The following TAOK1 variants were observed in gnomAD, a reference collection of about 807,000 sequenced individuals.
TAOK1 encodes serine/threonine-protein kinase TAO1.
A neutral mutation model predicts 138.3 loss-of-function variants in TAOK1; 21 were observed. The ratio of observed to expected loss-of-function variants is 0.15; its 90% CI spans 0.11 to 0.22. The LOEUF (loss-of-function observed/expected upper bound fraction) is 0.22. Ranked by LOEUF, TAOK1 falls within the 10% of genes least tolerant of loss-of-function variation. The pLI, the probability that TAOK1 is intolerant of heterozygous loss-of-function variation, is 1.00. For synonymous variants in TAOK1, 361 were observed against 398.4 expected (o/e 0.91, Z 1.12); for missense variants, 651 against 1,227.7 (o/e 0.53, Z 7.02).
intron 1 of TAOK1, among the ~76,000 whole-genome samples, chr17:29,428,754 G>A (rs935001719): frequency 2.6e-5 from 4 of 151,702 alleles, no homozygotes; most frequent in Admixed American, 1.3e-4. Flanking sequence ...CTCCCAAGTC[G>A]CTGGGACTGC....
intron 1 of TAOK1, among the ~76,000 whole-genome samples, chr17:29,435,655 C>T (rs1906005308): frequency 6.6e-6 from 1 of 152,180 alleles, no homozygotes; most frequent in Non-Finnish European, 1.5e-5. Flanking sequence ...GGTATTAGGT[C>T]ACTTTCTCCA....
intron 1 of TAOK1, among the ~76,000 whole-genome samples, chr17:29,417,015 T>TG (rs1031773313): frequency 3.3e-4 from 50 of 151,772 alleles, no homozygotes; most frequent in South Asian, 6.2e-4. Flanking sequence ...GTTTTTTTTT[T>TG]TTGTTGTTGT....
chr17:29,500,421 A>G (rs1175926077), intron 12 of TAOK1, among the ~76,000 whole-genome samples: 4 of 152,132 alleles, frequency 2.6e-5, no homozygotes, highest in Non-Finnish European at 5.9e-5. Flanking sequence ...AACAACCCAA[A>G]TTATTCATCA....
In TAOK1 at chr17:29,427,925, CA is replaced by C. The variant is rs34918500; in HGVS notation, c.-94-23512del. ...TGGGCAACAGCGTGAGACTCTGTCT[CA>C]AAAAAAAAAAAAAAAAAGAAGAATA... is the stretch of plus-strand genomic sequence containing the variant. On this transcript the variant is annotated intron_variant, in intron 1 of 19. Transcript: ENST00000261716. Among the ~76,000 whole-genome samples the C allele has an allele frequency of 4.7e-3, 537 of 114,894 alleles. 3 individuals are homozygous for C. The highest frequency in any genetic ancestry group is 0.017 in the Admixed American group (195 of 11,208). The allele number at this position is 114,894 out of a possible 152,430, so 75.4% of individuals were successfully genotyped here.
intron 19 of TAOK1, among the ~76,000 whole-genome samples, chr17:29,541,275 A>G (rs900159321): frequency 1.3e-4 from 19 of 147,968 alleles, no homozygotes; most frequent in African/African-American, 4.7e-4. Flanking sequence ...GCGCCTGGCT[A>G]ATTTTTGTAT....
chr17:29,516,720 C>T (rs992713256), intron 15 of TAOK1, among the ~76,000 whole-genome samples: 37 of 151,350 alleles, frequency 2.4e-4, no homozygotes, highest in Admixed American at 7.9e-4. Flanking sequence ...ACGCTGGTCT[C>T]GAACTCCCAA....
intron 17 of TAOK1, among the ~76,000 whole-genome samples, chr17:29,529,655 G>T (rs563470488): frequency 6.6e-6 from 1 of 152,080 alleles, no homozygotes; most frequent in Non-Finnish European, 1.5e-5. Flanking sequence ...CACTTGAAGT[G>T]AAGAGTGCGA....
At position 29,467,359 on chromosome 17, in the gene TAOK1, C is replaced by T. The variant is rs530767438; in HGVS notation, c.204+143C>T. ...TGCAATCTTGGCTCACTGCAAGCTCCGCCTCCCAAGTTCACGCCATTCTCC... is the reference window on the plus strand; with the variant it reads ...TGCAATCTTGGCTCACTGCAAGCTCTGCCTCCCAAGTTCACGCCATTCTCC... On this transcript the variant is annotated intron_variant, in intron 3 of 19. Coordinates refer to ENST00000261716, the MANE Select transcript of TAOK1 (RefSeq NM_020791.4). The T allele has an allele frequency of 1.7e-4, 60 of 349,738 alleles. 1 individual carries two copies. The East Asian group carries it at 2.2e-3, about 13-fold the overall frequency. The allele number at this position is 349,738 out of a possible 1,614,324, so 21.7% of individuals were successfully genotyped here. A position where few individuals can be genotyped will look rare whatever the true frequency, so the allele number is the denominator to read the frequency against.
At chr17:29,406,793 C>T (rs2153020572) in intron 1 of TAOK1, among the ~76,000 whole-genome samples, 1 of 152,292 alleles carries the variant, frequency 6.6e-6, no homozygotes, top group African/African-American at 2.4e-5. Flanking sequence ...GTCTTGAACT[C>T]CCGGGCTAAA....
At chr17:29,441,962 C>G (rs113002228) in intron 1 of TAOK1, among the ~76,000 whole-genome samples, 1 of 150,842 alleles carries the variant, frequency 6.6e-6, no homozygotes, top group South Asian at 2.1e-4. Context: ...TCTTTTTGTT[C>G]TTTTCTGTCT....
chr17:29,516,338 T>C (rs2031813902), intron 15 of TAOK1, among the ~76,000 whole-genome samples: 1 of 151,876 alleles, frequency 6.6e-6, no homozygotes, highest in East Asian at 1.9e-4. Flanking sequence ...TTCGTTGTGT[T>C]GTTTTTGTTT....
chr17:29,394,570 T>A (rs2153019440), intron 1 of TAOK1, among the ~76,000 whole-genome samples: 1 of 152,330 alleles, frequency 6.6e-6, no homozygotes, highest in South Asian at 2.1e-4. Flanking sequence ...GTCTTTCGTG[T>A]CTTTCACCTG....
At chr17:29,492,750 C>G (rs1272524663) in intron 10 of TAOK1, among the ~76,000 whole-genome samples, 1 of 152,108 alleles carries the variant, frequency 6.6e-6, no homozygotes, top group East Asian at 1.9e-4. Context: ...CGAGATTGCA[C>G]CATTGCACTC....
At chr17:29,510,766 CT>C in intron 14 of TAOK1, 97 bp from the exon 15 acceptor site, 1 of 890,400 alleles carries the variant, frequency 1.1e-6, no homozygotes, top group Non-Finnish European at 1.6e-6. Context: ...CTAATGATTT[CT>C]TGTTCTTAGA....
chr17:29,481,296 C>T (rs569839292), intron 7 of TAOK1, among the ~76,000 whole-genome samples: 58 of 151,466 alleles, frequency 3.8e-4, no homozygotes, highest in Non-Finnish European at 7.7e-4. Context: ...TAGGTTCAAG[C>T]GATTCTCCTG....
rs2031079714 is a variant in TAOK1, at chr17:29,482,212, A to T, written c.579A>T (p.Val193=). The change falls in exon 8 of 20, where the codon GTA becomes GTT. Residue 193 remains valine, a synonymous_variant. Transcript: ENST00000261716. The part of the protein sequence containing the change: ...VGTPYWMAPE[V]ILAMDEGQYD... ...TTTGTTCTAGGATGGCCCCAGAAGT[A>T]ATTTTAGCCATGGATGAAGGACAAT... The T allele has an allele frequency of 6.2e-7, 1 of 1,611,894 alleles. No homozygotes were observed. Among genetic ancestry groups the T allele is most frequent in the East Asian group, 2.2e-5 (1 of 44,734 alleles).
chr17:29,400,797 A>G (rs1416348763), intron 1 of TAOK1, among the ~76,000 whole-genome samples: 1 of 152,048 alleles, frequency 6.6e-6, no homozygotes, highest in African/African-American at 2.4e-5. Flanking sequence ...AATGGCTTGT[A>G]AATTCAATTT....
In TAOK1 at chr17:29,508,121, A is replaced by G. The variant is rs140542550; in HGVS notation, c.1564A>G (p.Met522Val). Residue 522 changes from methionine (M) to valine (V), a missense_variant, in exon 14 of 20, where the codon ATG becomes GTG. By Grantham distance (21) the Met-to-Val change is conservative. Around this residue, in one of 8 missense-constraint regions of TAOK1, gnomAD observed 258 missense variants for 548.9 expected, o/e 0.47. Coordinates refer to ENST00000261716, the MANE Select transcript of TAOK1 (RefSeq NM_020791.4). ...ACTTATCAAGAAACACCAGGCTGCC[A>G]TGGAGAAAGAGGTGGCTTATTCAGT... is the stretch of plus-strand genomic sequence containing the variant. The part of the protein sequence containing the change: ...EKLIKKHQAA[M>V]EKEAKVMSNE... 2.6e-5 allele frequency: 42 copies of G among 1,613,484 alleles called. No homozygotes were observed. The highest frequency in any genetic ancestry group is 5.0e-5 in the Admixed American group (3 of 60,006).
intron 8 of TAOK1, 41 bp downstream of exon 8, chr17:29,482,329 A>G (rs758236066): frequency 2.0e-5 from 29 of 1,469,406 alleles, no homozygotes; most frequent in Non-Finnish European, 2.5e-5. Context: ...AGTTTTGATC[A>G]ATGTTTTACC....
Sources: gnomAD v4.1 joint callset for allele counts (sites outside exome capture counted in the v4.1 genomes callset) on GRCh38, gnomAD v4.1.1 for gene constraint, gnomAD v4.1.1 regional missense constraint, MANE v1.5 for transcripts, NCBI Gene and HGNC (gene_info 2026-07-23, HGNC 2026-07-21) for gene names.